Variants in FADS6 observed in about 807,000 individuals in gnomAD.
FADS6 encodes the protein fatty acid desaturase 6.
FADS6 carries 28 observed loss-of-function variants against 31.7 expected under a neutral mutation model. The ratio of observed to expected loss-of-function variants is 0.88; its 90% CI spans 0.66 to 1.21. The LOEUF (loss-of-function observed/expected upper bound fraction) is 1.21. Ranked by LOEUF, FADS6 falls within the 50% of genes most tolerant of loss-of-function variation. The pLI is 0.00. For synonymous variants in FADS6, 191 were observed against 213.1 expected (o/e 0.90, Z 0.90); for missense variants, 494 against 504.2 (o/e 0.98, Z 0.19).
chr17:74,879,693 G>T, intron 4 of FADS6, 110 bp from the exon 5 acceptor site: 1 of 1,182,072 alleles, frequency 8.5e-7, no homozygotes, highest in Non-Finnish European at 1.2e-6. Context: ...CACCTCCCAT[G>T]TGGGGGGACC....
intron 2 of FADS6, among the ~76,000 whole-genome samples, chr17:74,891,869 C>T (rs2038692798): frequency 6.6e-6 from 1 of 152,142 alleles, no homozygotes; most frequent in African/African-American, 2.4e-5. Flanking sequence ...TTAGGGGAAC[C>T]ATCACCTGGG....
Position 74,878,051 on chromosome 17 carries a change from C to A in FADS6, c.*280G>T. 1 of 1,222,730 alleles carries A rather than the reference C, an allele frequency of 8.2e-7. No homozygotes were observed. The highest frequency in any genetic ancestry group is 1.0e-6 in the Non-Finnish European group (1 of 976,688). The allele number at this position is 1,222,730 out of a possible 1,614,324, so 75.7% of individuals were successfully genotyped here. A position where few individuals can be genotyped will look rare whatever the true frequency, so the allele number is the denominator to read the frequency against. ...CTCAGATGGAGCAGGGGGAAGGACC[C>A]AGCTCTTTAGTCCTGAGATGAAGTT... On this transcript the variant is annotated 3_prime_UTR_variant, in exon 6 of 6. Coordinates refer to ENST00000612771, the MANE Select transcript of FADS6 (RefSeq NM_178128.6).
downstream of FADS6, among the ~76,000 whole-genome samples, chr17:74,874,816 C>G (rs1391142423): frequency 6.6e-6 from 1 of 152,316 alleles, no homozygotes; most frequent in Non-Finnish European, 1.5e-5. Flanking sequence ...TATTGGAAGA[C>G]ATCCATGCTT....
At chr17:74,878,991 A>C in intron 5 of FADS6, 1 of 199,560 alleles carries the variant, frequency 5.0e-6, no homozygotes, top group Admixed American at 5.8e-5. Context: ...CAGTTGGGGG[A>C]CTTGGAGTTC....
At chr17:74,892,308 T>C (rs1167357381) in intron 2 of FADS6, among the ~76,000 whole-genome samples, 1 of 152,172 alleles carries the variant, frequency 6.6e-6, no homozygotes, top group African/African-American at 2.4e-5. Flanking sequence ...CCTACAACTC[T>C]CTACCCATGG....
At chr17:74,888,676 T>C (rs1266900496) in intron 2 of FADS6, among the ~76,000 whole-genome samples, 1 of 152,102 alleles carries the variant, frequency 6.6e-6, no homozygotes, top group South Asian at 2.1e-4. Flanking sequence ...AAAGCCGACT[T>C]CACATGGAGG....
At position 74,877,751 on chromosome 17, in the gene FADS6, A is replaced by T; in HGVS notation, c.*580T>A. The T allele has an allele frequency of 1.0e-6, 1 of 985,600 alleles. No individual in the cohort carries two copies. The highest frequency in any genetic ancestry group is 1.2e-6 in the Non-Finnish European group (1 of 830,068). 61.1% of individuals were successfully genotyped at this position (985,600 alleles called of 1,614,324 possible). A position where few individuals can be genotyped will look rare whatever the true frequency, so the allele number is the denominator to read the frequency against. ...ATCTTGCTGATACTGTGGCCTGGGG[A>T]ACTGCTGAGCCAGTGTCTTGCACAG... On this transcript the variant is annotated 3_prime_UTR_variant, in exon 6 of 6. Transcript: ENST00000612771.
intron 2 of FADS6, among the ~76,000 whole-genome samples, chr17:74,890,971 A>T (rs891437543): frequency 1.8e-4 from 27 of 152,158 alleles, no homozygotes; most frequent in African/African-American, 5.8e-4. Context: ...TCATTCTGCT[A>T]CACACCGAAG....
chr17:74,879,480 G>A lies in FADS6; in HGVS notation c.884C>T (p.Ala295Val), dbSNP rs531632048. ...GCAGCTGATGATCGAGTGGCCGAAC[G>A]CCCAGTCCAGCACGGGCAGCCGGGC... Reference protein sequence around the residue: ...NLARLPVLDWAFGHSIISCHV... With the variant: ...NLARLPVLDWVFGHSIISCHV... The change falls in exon 5 of 6, where the codon GCG (alanine) becomes GTG (valine). Residue 295 changes from alanine (A) to valine (V), a missense_variant. Around this residue, in one of 2 missense-constraint regions of FADS6, gnomAD observed 454 missense variants for 438.5 expected, o/e 1.04. Coordinates refer to ENST00000612771, the MANE Select transcript of FADS6 (RefSeq NM_178128.6). 1.5e-5 allele frequency: 24 copies of A among 1,613,916 alleles called. No individual in the cohort carries two copies. The East Asian group carries it at 4.2e-4, about 28-fold the overall frequency.
rs1255000642 is a variant in FADS6 at position 74,882,513 on chromosome 17, G to A, written c.592+17C>T. On this transcript the variant is annotated intron_variant, in intron 3 of 5. Transcript: ENST00000612771. ...GTCCATGCAGGACACTGCGGACCGG[G>A]CTCTCATGGCACTCACCGACAGCCA... is the stretch of plus-strand genomic sequence containing the variant. The A allele has an allele frequency of 2.5e-6, 4 of 1,600,600 alleles. No individual in the cohort carries two copies. The Admixed American group carries it at 5.1e-5, about 20-fold the overall frequency.
At chr17:74,886,100 G>C (rs570273079) in intron 2 of FADS6, among the ~76,000 whole-genome samples, 1 of 152,102 alleles carries the variant, frequency 6.6e-6, no homozygotes, top group African/African-American at 2.4e-5. Context: ...TTAGCTGGGC[G>C]TGGTGGCGGG....
Position 74,880,932 on chromosome 17 carries a change from G to A in FADS6, c.780+136C>T. ...CTCCAGGACGAGGCGAGGGCACAGT[G>A]TGATGAGAGCGAGAGGGAGGATGCC... On this transcript the variant is annotated intron_variant, in intron 4 of 5. Coordinates refer to ENST00000612771, the MANE Select transcript of FADS6 (RefSeq NM_178128.6). 3 of 897,728 alleles carry A rather than the reference G, an allele frequency of 3.3e-6. 1 individual carries two copies. In the South Asian group the frequency reaches 5.4e-5, roughly 16 times the overall value. The allele number at this position is 897,728 out of a possible 1,614,324, so 55.6% of individuals were successfully genotyped here.
chr17:74,892,536 A>G lies in FADS6; in HGVS notation c.398T>C (p.Leu133Pro). 6.2e-7 allele frequency: 1 copy of G among 1,612,850 alleles called. No homozygotes were observed. Among genetic ancestry groups the G allele is most frequent in the South Asian group, 1.1e-5 (1 of 90,776 alleles). Residue 133 changes from leucine (L) to proline (P), a missense_variant, in exon 2 of 6, where the codon CTT becomes CCT. Around this residue, in one of 2 missense-constraint regions of FADS6, gnomAD observed 454 missense variants for 438.5 expected, o/e 1.04. Coordinates refer to ENST00000612771, the MANE Select transcript of FADS6 (RefSeq NM_178128.6). ...ESKRWSKIWLLFFVEVCTAFT... is the reference protein window; with the variant it reads ...ESKRWSKIWLPFFVEVCTAFT... Reference sequence around the variant, plus strand: ...TCCCAGGCTCACCTCCACAAAGAAAAGCAGCCAGATCTTGCTCCAGCGTTT... The same window carrying G: ...TCCCAGGCTCACCTCCACAAAGAAAGGCAGCCAGATCTTGCTCCAGCGTTT...
rs2038521638 is a variant in FADS6 at position 74,877,791 on chromosome 17, G to GGATC, written c.*536_*539dup. 2.0e-6 allele frequency: 2 copies of GGATC among 985,876 alleles called. No individual in the cohort carries two copies. Among genetic ancestry groups the GGATC allele is most frequent in the Non-Finnish European group, 2.4e-6 (2 of 830,382 alleles). 61.1% of individuals were successfully genotyped at this position (985,876 alleles called of 1,614,324 possible). A position where few individuals can be genotyped will look rare whatever the true frequency, so the allele number is the denominator to read the frequency against. On this transcript the variant is annotated 3_prime_UTR_variant, in exon 6 of 6. Coordinates refer to ENST00000612771, the MANE Select transcript of FADS6 (RefSeq NM_178128.6). The stretch of plus-strand genomic sequence containing the variant: ...GTCTTGCACAGGTTCCTTTGGCTGA[G>GGATC]GATCGAGGAAGGCCTGCCAAAAGCA...
chr17:74,890,091 C>T (rs1269708978), intron 2 of FADS6, among the ~76,000 whole-genome samples: 1 of 152,114 alleles, frequency 6.6e-6, no homozygotes, highest in African/African-American at 2.4e-5. Context: ...AGGAAAGTGA[C>T]ACTTAGATGT....
At position 74,889,870 on chromosome 17, in the gene FADS6, C is replaced by CAAAAA. The variant is rs59381032; in HGVS notation, c.411+2648_411+2652dup. Among the ~76,000 whole-genome samples the CAAAAA allele has an allele frequency of 4.0e-3, 215 of 53,230 alleles. 2 individuals are homozygous for CAAAAA. Among genetic ancestry groups the CAAAAA allele is most frequent in the Middle Eastern group, 0.017 (1 of 58 alleles). 34.9% of individuals were successfully genotyped at this position (53,230 alleles called of 152,430 possible). A position where few individuals can be genotyped will look rare whatever the true frequency, so the allele number is the denominator to read the frequency against. The stretch of plus-strand genomic sequence containing the variant: ...TGGGCAACAGAGTGAGACTCAGTCT[C>CAAAAA]AAAAAAAAAAAAAAAAAAAAAAAAA... On this transcript the variant is annotated intron_variant, in intron 2 of 5. Coordinates refer to ENST00000612771, the MANE Select transcript of FADS6 (RefSeq NM_178128.6).
At chr17:74,891,774 G>A (rs1473589216) in intron 2 of FADS6, among the ~76,000 whole-genome samples, 1 of 152,156 alleles carries the variant, frequency 6.6e-6, no homozygotes, top group Non-Finnish European at 1.5e-5. Context: ...TGAGTTAATT[G>A]GTCACAACGA....
intron 2 of FADS6, among the ~76,000 whole-genome samples, chr17:74,884,956 G>A (rs796130503): frequency 6.6e-5 from 10 of 152,122 alleles, no homozygotes; most frequent in African/African-American, 2.2e-4. Context: ...TTATCCACCC[G>A]CCTCGGCCTC....
intron 2 of FADS6, among the ~76,000 whole-genome samples, chr17:74,888,447 C>T (rs866306725): frequency 6.6e-6 from 1 of 152,152 alleles, no homozygotes; most frequent in Non-Finnish European, 1.5e-5. Flanking sequence ...TGCGTGGGAA[C>T]AGGCAGAGAG....
Sources: gnomAD v4.1 joint callset for allele counts (sites outside exome capture counted in the v4.1 genomes callset) on GRCh38, gnomAD v4.1.1 for gene constraint, gnomAD v4.1.1 regional missense constraint, MANE v1.5 for transcripts, NCBI Gene and HGNC (gene_info 2026-07-23, HGNC 2026-07-21) for gene names.